Variants in CTNNAL1 observed in about 807,000 individuals in gnomAD.
CTNNAL1 encodes catenin alpha like 1.
CTNNAL1 carries 69 observed loss-of-function variants against 93.6 expected under a neutral mutation model. The observed-to-expected ratio is 0.74, with a 90% CI of 0.61 to 0.90. CTNNAL1 has a LOEUF of 0.90. Among genes scored for constraint, CTNNAL1 ranks in the 40% least tolerant of loss-of-function variants. CTNNAL1 has a pLI of 0.00. For synonymous variants in CTNNAL1, 286 were observed against 305.4 expected (o/e 0.94, Z 0.66); for missense variants, 836 against 862.0 (o/e 0.97, Z 0.38).
intron 11 of CTNNAL1, among the ~76,000 whole-genome samples, chr9:108,957,945 C>G (rs1830723671): frequency 6.6e-6 from 1 of 151,774 alleles, no homozygotes; most frequent in Middle Eastern, 3.2e-3. Flanking sequence ...TGGTGACACC[C>G]CATCTCTACT....
intron 6 of CTNNAL1, 36 bp from the exon 7 acceptor site, chr9:108,979,517 G>A (rs1453840210): frequency 1.2e-6 from 2 of 1,601,358 alleles, no homozygotes; most frequent in Admixed American, 3.4e-5. Context: ...ATCCATGTGA[G>A]TCAATATTCC....
intron 8 of CTNNAL1, among the ~76,000 whole-genome samples, chr9:108,975,962 G>C (rs1277731704): frequency 6.6e-6 from 1 of 152,106 alleles, no homozygotes; most frequent in East Asian, 1.9e-4. Flanking sequence ...CAGGGAACAG[G>C]GAAACCCTCT....
chr9:108,951,101 C>T (rs112493797), intron 14 of CTNNAL1, among the ~76,000 whole-genome samples: 8,019 of 152,040 alleles, frequency 0.053, 330 homozygotes, highest in East Asian at 0.12. Context: ...AGCTCCACCT[C>T]CCGGTTTCAC....
At chr9:108,981,492 A>C (rs1355958483) in intron 6 of CTNNAL1, among the ~76,000 whole-genome samples, 1 of 152,260 alleles carries the variant, frequency 6.6e-6, no homozygotes, top group East Asian at 1.9e-4. Context: ...AACAAAAAAA[A>C]AAAAAACAGT....
Position 108,983,324 on chromosome 9 carries a change from C to G in CTNNAL1, c.730-9G>C. ...GGATGCCTCAGACATGTCTTCAAAA[C>G]AATTGAAAATTTTTATTTTAATATT... On this transcript the variant is annotated splice_polypyrimidine_tract_variant and intron_variant, in intron 5 of 18. Coordinates refer to ENST00000325551, the MANE Select transcript of CTNNAL1 (RefSeq NM_003798.4). The G allele has an allele frequency of 3.4e-6, 5 of 1,473,222 alleles. No homozygotes were observed. The highest frequency in any genetic ancestry group is 3.6e-6 in the Non-Finnish European group (4 of 1,111,918). 91.3% of individuals were successfully genotyped at this position (1,473,222 alleles called of 1,614,324 possible). A position where few individuals can be genotyped will look rare whatever the true frequency, so the allele number is the denominator to read the frequency against.
chr9:108,990,909 C>T (rs1831775141), intron 3 of CTNNAL1, 64 bp from the exon 4 acceptor site: 8 of 1,530,488 alleles, frequency 5.2e-6, no homozygotes, highest in Non-Finnish European at 7.0e-6. Context: ...ATTGTCAAGG[C>T]TGAGTAGAGA....
intron 6 of CTNNAL1, 54 bp from the exon 7 acceptor site, chr9:108,979,535 C>A (rs1433905414): frequency 2.0e-6 from 3 of 1,535,784 alleles, no homozygotes; most frequent in African/African-American, 2.8e-5. Context: ...TCCCACCTGA[C>A]CAAAATGGGC....
intron 3 of CTNNAL1, 91 bp downstream of exon 3, chr9:108,992,541 A>G (rs1831850127): frequency 1.4e-6 from 2 of 1,443,992 alleles, no homozygotes; most frequent in Non-Finnish European, 9.2e-7. Context: ...TCATCGACAC[A>G]CAAGCCAAGC....
rs1191222363 is a variant in CTNNAL1 at position 108,942,582 on chromosome 9, A to G, written c.*187T>C. ...ATCACACTACAATTAGAATCTAGCA[A>G]TTACCAAGACATTTATTAGTTGTCA... On this transcript the variant is annotated 3_prime_UTR_variant, in exon 19 of 19. Transcript: ENST00000325551. 2 of 571,308 alleles carry G rather than the reference A, an allele frequency of 3.5e-6. No homozygotes were observed. The highest frequency in any genetic ancestry group is 6.2e-6 in the Non-Finnish European group (2 of 325,032). 35.4% of individuals were successfully genotyped at this position (571,308 alleles called of 1,614,324 possible).
At chr9:108,968,814 AG>A (rs35944048) in intron 10 of CTNNAL1, among the ~76,000 whole-genome samples, 22 of 152,360 alleles carry the variant, frequency 1.4e-4, no homozygotes, top group Admixed American at 1.4e-3. Flanking sequence ...TCAAAGATGC[AG>A]GGACTCAACC....
chr9:108,952,643 G>A (rs2132095176), intron 12 of CTNNAL1, 149 bp from the exon 13 acceptor site: 1 of 1,018,614 alleles, frequency 9.8e-7, no homozygotes, highest in South Asian at 1.7e-5. Flanking sequence ...CCAATTGCAA[G>A]TACTCTACTA....
chr9:108,943,110 T>C lies in CTNNAL1; in HGVS notation c.2056-66A>G. The C allele has an allele frequency of 4.3e-6, 6 of 1,405,508 alleles. No individual in the cohort carries two copies. The South Asian group carries it at 5.2e-5, about 12-fold the overall frequency. The allele number at this position is 1,405,508 out of a possible 1,614,324, so 87.1% of individuals were successfully genotyped here. ...GTACTTAAAAGACCTTACCATTTAT[T>C]TAGTTTTAACATGATAAAATTTCTC... On this transcript the variant is annotated intron_variant, in intron 17 of 18. Transcript: ENST00000325551.
intron 8 of CTNNAL1, among the ~76,000 whole-genome samples, chr9:108,976,184 C>A (rs1402595112): frequency 6.6e-6 from 1 of 152,168 alleles, no homozygotes; most frequent in Admixed American, 6.5e-5. Context: ...CCCAAGATAG[C>A]CACTGATCTG....
chr9:108,943,547 C>G (rs1429267989), intron 17 of CTNNAL1, among the ~76,000 whole-genome samples, 156 bp downstream of exon 17: 2 of 151,844 alleles, frequency 1.3e-5, no homozygotes, highest in Non-Finnish European at 2.9e-5. Flanking sequence ...TCTCTGGGGT[C>G]AGTTATGAGA....
intron 14 of CTNNAL1, among the ~76,000 whole-genome samples, chr9:108,948,850 G>A (rs557259304): frequency 1.3e-5 from 2 of 152,092 alleles, no homozygotes; most frequent in East Asian, 3.9e-4. Context: ...GAAGAGCAAT[G>A]GACTAGGGAT....
chr9:108,977,059 T>A lies in CTNNAL1; in HGVS notation c.1102-11A>T, dbSNP rs537284564. ...TGTTTTCTTGCTTTGCTAAAAATTT[T>A]AAAAAGTATACATGTAATGTTACCG... On this transcript the variant is annotated splice_polypyrimidine_tract_variant and intron_variant, in intron 7 of 18. Coordinates refer to ENST00000325551, the MANE Select transcript of CTNNAL1 (RefSeq NM_003798.4). 3.6e-6 allele frequency: 5 copies of A among 1,372,374 alleles called. No homozygotes were observed. In the African/African-American group the frequency reaches 4.5e-5, roughly 12 times the overall value. 85.0% of individuals were successfully genotyped at this position (1,372,374 alleles called of 1,614,324 possible). A position where few individuals can be genotyped will look rare whatever the true frequency, so the allele number is the denominator to read the frequency against.
At chr9:108,969,228 C>T (rs2132125539) in intron 10 of CTNNAL1, among the ~76,000 whole-genome samples, 2 of 151,884 alleles carry the variant, frequency 1.3e-5, no homozygotes, top group South Asian at 4.2e-4. Context: ...CAAGATCGCG[C>T]CACTGCACTC....
Position 108,943,953 on chromosome 9 carries a change from A to G in CTNNAL1, c.1941+9T>C. 6.2e-7 allele frequency: 1 copy of G among 1,612,854 alleles called. No homozygotes were observed. Among genetic ancestry groups the G allele is most frequent in the Non-Finnish European group, 8.5e-7 (1 of 1,179,414 alleles). ...CACCACCAGCTCCAGGTAGGTAGAC[A>G]TGTGTTACCTGTTTTGAAAAAGCTT... On this transcript the variant is annotated intron_variant, in intron 16 of 18. Coordinates refer to ENST00000325551, the MANE Select transcript of CTNNAL1 (RefSeq NM_003798.4).
At chr9:108,991,360 G>A (rs1831798678) in intron 3 of CTNNAL1, among the ~76,000 whole-genome samples, 1 of 152,096 alleles carries the variant, frequency 6.6e-6, no homozygotes, top group Non-Finnish European at 1.5e-5. Context: ...AATTAGTCTG[G>A]CTCAGTCAGG....
Sources: allele counts gnomAD v4.1 joint callset (sites outside exome capture counted in the v4.1 genomes callset), GRCh38; gene constraint gnomAD v4.1.1; transcripts MANE v1.5; gene names NCBI Gene and HGNC (gene_info 2026-07-23, HGNC 2026-07-21).